The following BEST3 variants were observed in gnomAD, a reference collection of about 807,000 sequenced individuals.
The protein encoded by BEST3 is bestrophin-3.
A neutral mutation model predicts 47.1 loss-of-function variants in BEST3; 50 were observed. That is an observed-to-expected ratio of 1.06 (90% CI 0.85 to 1.34). The LOEUF (loss-of-function observed/expected upper bound fraction) is 1.34. Ranked by LOEUF, BEST3 falls within the 40% of genes most tolerant of loss-of-function variation. The pLI is 0.00. For synonymous variants in BEST3, 282 were observed against 298.8 expected (o/e 0.94, Z 0.58); for missense variants, 765 against 817.0 (o/e 0.94, Z 0.78).
At chr12:69,684,153 A>T in intron 4 of BEST3, 1 of 161,496 alleles carries the variant, frequency 6.2e-6, no homozygotes, top group Non-Finnish European at 1.3e-5. Flanking sequence ...CACCCCTGGC[A>T]TAGCTATTTT....
intron 4 of BEST3, among the ~76,000 whole-genome samples, chr12:69,692,036 CT>C: frequency 6.6e-6 from 1 of 152,264 alleles, no homozygotes; most frequent in East Asian, 1.9e-4. Context: ...TTTGGACATA[CT>C]GAATACCATC....
chr12:69,696,309 A>G (rs1006038036), intron 2 of BEST3, among the ~76,000 whole-genome samples: 1 of 152,200 alleles, frequency 6.6e-6, no homozygotes, highest in East Asian at 1.9e-4. Flanking sequence ...TGATATTGGA[A>G]CAAAAGTTGA....
intron 9 of BEST3, among the ~76,000 whole-genome samples, chr12:69,671,219 C>CAATGA (rs1884548193): frequency 6.6e-6 from 1 of 152,162 alleles, no homozygotes; most frequent in Admixed American, 6.5e-5. Context: ...GGCTGGAGTG[C>CAATGA]AATGGCACAA....
Position 69,672,899 on chromosome 12 carries a change from C to T in BEST3, c.934G>A (p.Asp312Asn). 6.2e-7 allele frequency: 1 copy of T among 1,612,014 alleles called. No individual in the cohort carries two copies. The highest frequency in any genetic ancestry group is 8.5e-7 in the Non-Finnish European group (1 of 1,179,180). Residue 312 changes from aspartate (D) to asparagine (N), a missense_variant, in exon 8 of 10, where the codon GAC (aspartate) becomes AAC (asparagine). Coordinates refer to ENST00000330891, the MANE Select transcript of BEST3 (RefSeq NM_032735.3). ...ATTCCTCTAACCTGCAAATTTCTGT[C>T]AATGCACCAGTTAGTTTCAAAATCA... ...DDDFETNWCI[D>N]RNLQVSLLAV...
intron 8 of BEST3, among the ~76,000 whole-genome samples, chr12:69,671,814 C>G (rs947682107): frequency 6.6e-6 from 1 of 152,144 alleles, no homozygotes; most frequent in Admixed American, 6.5e-5. Context: ...GCCTCCCACA[C>G]TCCGGGATCA....
Position 69,672,963 on chromosome 12 carries a change from T to A in BEST3, c.870A>T (p.Val290=), listed in dbSNP as rs772638187. ...CAAAAGGGTTGATAAGCTGCTCTGCTACCTGTAGTTGAGAACATAAAATAA... is the reference window on the plus strand; with the variant it reads ...CAAAAGGGTTGATAAGCTGCTCTGCAACCTGTAGTTGAGAACATAAAATAA... ...QFFFYAGWLK[V]AEQLINPFGE... Residue 290 remains valine, a splice_region_variant and synonymous_variant, in exon 8 of 10, where the codon GTA becomes GTT. Coordinates refer to ENST00000330891, the MANE Select transcript of BEST3 (RefSeq NM_032735.3). The A allele has an allele frequency of 6.2e-7, 1 of 1,610,856 alleles. No homozygotes were observed. Among genetic ancestry groups the A allele is most frequent in the Non-Finnish European group, 8.5e-7 (1 of 1,177,966 alleles).
chr12:69,646,636 C>T (rs1883045666), intron 9 of BEST3, among the ~76,000 whole-genome samples: 1 of 152,150 alleles, frequency 6.6e-6, no homozygotes, highest in Non-Finnish European at 1.5e-5. Context: ...CCAGCTAAAC[C>T]TTTTTCCCTG....
chr12:69,666,203 G>A (rs1456890730), intron 9 of BEST3, among the ~76,000 whole-genome samples: 1 of 152,142 alleles, frequency 6.6e-6, no homozygotes, highest in African/African-American at 2.4e-5. Context: ...ATTTTTGGTG[G>A]AGATGGGTTT....
At chr12:69,691,541 TC>T (rs1885923857) in intron 4 of BEST3, among the ~76,000 whole-genome samples, 1 of 152,174 alleles carries the variant, frequency 6.6e-6, no homozygotes, top group South Asian at 2.1e-4. Flanking sequence ...ACGCCTGTAA[TC>T]CCAGCACTTT....
intron 9 of BEST3, among the ~76,000 whole-genome samples, chr12:69,667,771 C>A (rs868319037): frequency 3.9e-5 from 6 of 152,128 alleles, no homozygotes; most frequent in Admixed American, 2.0e-4. Flanking sequence ...CATCTGTGAG[C>A]TTGGGAGGTG....
At position 69,654,597 on chromosome 12, in the gene BEST3, T is replaced by C. The variant is rs987417205; in HGVS notation, c.*310A>G. 1 of 1,076,554 alleles carries C rather than the reference T, an allele frequency of 9.3e-7. No individual in the cohort carries two copies. Among genetic ancestry groups the C allele is most frequent in the Non-Finnish European group, 1.1e-6 (1 of 886,872 alleles). The allele number at this position is 1,076,554 out of a possible 1,614,324, so 66.7% of individuals were successfully genotyped here. A position where few individuals can be genotyped will look rare whatever the true frequency, so the allele number is the denominator to read the frequency against. The stretch of plus-strand genomic sequence containing the variant: ...ATGAGACTCTTTCCACAACTAATAA[T>C]CTATGAATTTATAAGTCATGTATGT... On this transcript the variant is annotated 3_prime_UTR_variant, in exon 10 of 10. Transcript: ENST00000330891.
intron 4 of BEST3, among the ~76,000 whole-genome samples, chr12:69,686,786 A>AAAAAAAAAAAAG (rs371159662): frequency 0.1 from 14,501 of 142,884 alleles, 1,078 homozygotes; most frequent in Non-Finnish European, 0.16. Context: ...AAACAAAAAA[A>AAAAAAAAAAAAG]AAAGAAAGAA....
chr12:69,663,786 A>G (rs1054072209), intron 9 of BEST3, among the ~76,000 whole-genome samples: 3 of 152,164 alleles, frequency 2.0e-5, no homozygotes, highest in Admixed American at 6.5e-5. Context: ...GCACCACTGT[A>G]CACTCCATCC....
chr12:69,662,724 A>G (rs548082322), intron 9 of BEST3, among the ~76,000 whole-genome samples: 15 of 152,336 alleles, frequency 9.8e-5, no homozygotes, highest in African/African-American at 3.6e-4. Flanking sequence ...TACTAAGTGG[A>G]TCCTTAATTG....
At chr12:69,645,299 A>G (rs1882997348) in intron 9 of BEST3, among the ~76,000 whole-genome samples, 1 of 152,188 alleles carries the variant, frequency 6.6e-6, no homozygotes, top group Non-Finnish European at 1.5e-5. Flanking sequence ...GCTCCCAGGA[A>G]CGCTAAGTTT....
chr12:69,681,285 C>T (rs1308002420), intron 4 of BEST3, among the ~76,000 whole-genome samples: 1 of 151,986 alleles, frequency 6.6e-6, no homozygotes, highest in African/African-American at 2.4e-5. Flanking sequence ...TATCTTTAAC[C>T]ATCTGTAATC....
chr12:69,656,276 G>A (rs969861740), intron 9 of BEST3, among the ~76,000 whole-genome samples: 13 of 151,874 alleles, frequency 8.6e-5, no homozygotes, highest in African/African-American at 3.1e-4. Flanking sequence ...GTGGTCTTAG[G>A]GATCCCCAGA....
chr12:69,679,463 A>G (rs1456946797), intron 4 of BEST3, among the ~76,000 whole-genome samples: 1 of 152,194 alleles, frequency 6.6e-6, no homozygotes, highest in African/African-American at 2.4e-5. Flanking sequence ...GGCTTGCATC[A>G]TAGTAATATT....
chr12:69,667,683 T>C (rs1398557695), intron 9 of BEST3, among the ~76,000 whole-genome samples: 3 of 152,210 alleles, frequency 2.0e-5, no homozygotes. Context: ...TGTGTCTTCA[T>C]TGCGTGTGTT....
Sources: allele counts gnomAD v4.1 joint callset (sites outside exome capture counted in the v4.1 genomes callset), GRCh38; gene constraint gnomAD v4.1.1; transcripts MANE v1.5; gene names NCBI Gene and HGNC (gene_info 2026-07-23, HGNC 2026-07-21).